VEPH1: variants seen among roughly 807,000 people sequenced by gnomAD.
VEPH1 encodes ventricular zone-expressed PH domain-containing protein homolog 1.
Under a neutral mutation model 85.2 loss-of-function variants are expected in VEPH1, and 80 were observed. The ratio of observed to expected loss-of-function variants is 0.94; its 90% CI spans 0.78 to 1.13. The LOEUF (loss-of-function observed/expected upper bound fraction) is 1.13, where lower values mean the gene tolerates loss of function less well. Ranked by LOEUF, VEPH1 falls within the 50% of genes most tolerant of loss-of-function variation. The probability of loss-of-function intolerance (pLI) is 0.00; values close to 1 mark genes in which losing one functional copy is unlikely to be tolerated. For synonymous variants in VEPH1, 297 were observed against 348.0 expected, an observed-to-expected ratio of 0.85 and a Z score of 1.63; for missense variants, 955 against 980.5, an observed-to-expected ratio of 0.97 and a Z score of 0.35.
chr3:157,430,754 T>C (rs180729817), intron 4 of VEPH1, among the ~76,000 whole-genome samples: 105 of 152,256 alleles, frequency 6.9e-4, no homozygotes, highest in African/African-American at 2.3e-3. Flanking sequence ...TCCCTAGGAG[T>C]TGACTTTGTA....
chr3:157,468,885 A>AGGTTCGT (rs1736645380), intron 3 of VEPH1, among the ~76,000 whole-genome samples: 2 of 151,712 alleles, frequency 1.3e-5, no homozygotes, highest in Admixed American at 6.6e-5. Context: ...TTGTTCCCCC[A>AGGTTCGT]CTCACCCTGG....
chr3:157,275,595 A>T (rs369970492), intron 12 of VEPH1, among the ~76,000 whole-genome samples: 6,068 of 151,990 alleles, frequency 0.04, 153 homozygotes, highest in South Asian at 0.11. Context: ...AACAAAAAAT[A>T]TATATATATA....
At chr3:157,297,943 C>A (rs1319123803) in intron 11 of VEPH1, among the ~76,000 whole-genome samples, 2 of 151,956 alleles carry the variant, frequency 1.3e-5, no homozygotes. Flanking sequence ...AATAATTAGA[C>A]ACACACACAG....
intron 2 of VEPH1, among the ~76,000 whole-genome samples, chr3:157,475,155 AT>A (rs557209438): frequency 0.23 from 29,882 of 127,464 alleles, 3,002 homozygotes; most frequent in East Asian, 0.35. Context: ...AATTTTTTTA[AT>A]TTTTTTTTTT....
chr3:157,443,024 T>C, intron 4 of VEPH1: 1 of 1,548,490 alleles, frequency 6.5e-7, no homozygotes, highest in Non-Finnish European at 8.7e-7. Context: ...AACTCACACT[T>C]AAAACACATG....
At chr3:157,492,796 C>A (rs182568774) in intron 2 of VEPH1, among the ~76,000 whole-genome samples, 2 of 152,110 alleles carry the variant, frequency 1.3e-5, no homozygotes, top group Admixed American at 6.6e-5. Flanking sequence ...ATAAGTACAG[C>A]AAACAATAAT....
At chr3:157,332,283 TC>T (rs1450712664) in intron 9 of VEPH1, among the ~76,000 whole-genome samples, 1 of 152,224 alleles carries the variant, frequency 6.6e-6, no homozygotes, top group Non-Finnish European at 1.5e-5. Context: ...AGTGTACAGT[TC>T]AGTGGCAGTA....
At chr3:157,418,563 G>T (rs1423660619) in intron 5 of VEPH1, among the ~76,000 whole-genome samples, 1 of 152,138 alleles carries the variant, frequency 6.6e-6, no homozygotes. Flanking sequence ...GCCAAATCAT[G>T]AATAAATTCC....
chr3:157,317,185 A>G lies in VEPH1; in HGVS notation c.1752T>C (p.Cys584=). 1.2e-6 allele frequency: 2 copies of G among 1,611,588 alleles called. No homozygotes were observed. The highest frequency in any genetic ancestry group is 1.3e-5 in the African/African-American group (1 of 74,962). The change falls in exon 10 of 14, where the codon TGT becomes TGC. Residue 584 remains cysteine, a synonymous_variant. Coordinates refer to ENST00000362010, the MANE Select transcript of VEPH1 (RefSeq NM_001167912.2). ...AGCAGGTGAAGAACAACTTTGCTACACAACTTCTCACAGTGTCTAGAAACA... is the reference window on the plus strand; with the variant it reads ...AGCAGGTGAAGAACAACTTTGCTACGCAACTTCTCACAGTGTCTAGAAACA... ...QCTIEDTVRS[C]VAKLFFTCSL...
intron 9 of VEPH1, among the ~76,000 whole-genome samples, chr3:157,348,957 A>C (rs1349276992): frequency 6.6e-6 from 1 of 152,226 alleles, no homozygotes; most frequent in Non-Finnish European, 1.5e-5. Context: ...TTCTCAAAAT[A>C]CTTCAAAAAA....
Position 157,413,902 on chromosome 3 carries a change from T to C in VEPH1, c.885A>G (p.Gly295=). The change falls in exon 6 of 14, where the codon GGA becomes GGG. Residue 295 remains glycine, a synonymous_variant. Transcript: ENST00000362010. ...TTACTTCATCCACATGCCCAACAGC[T>C]CCATAAATCCTTGCCATCTGTCCAG... is the stretch of plus-strand genomic sequence containing the variant. ...YLTGQMARIY[G]AVGHVDEERA... is the part of the protein sequence containing the mutation. The C allele has an allele frequency of 6.2e-7, 1 of 1,613,434 alleles. No homozygotes were observed. Among genetic ancestry groups the C allele is most frequent in the Middle Eastern group, 1.7e-4 (1 of 6,052 alleles).
intron 6 of VEPH1, among the ~76,000 whole-genome samples, chr3:157,388,771 C>A (rs998551453): frequency 2.0e-5 from 3 of 152,060 alleles, no homozygotes; most frequent in African/African-American, 7.2e-5. Flanking sequence ...ATTTACATAG[C>A]ATTTACATTG....
At chr3:157,294,607 G>A (rs1259889074) in intron 11 of VEPH1, among the ~76,000 whole-genome samples, 1 of 152,194 alleles carries the variant, frequency 6.6e-6, no homozygotes, top group African/African-American at 2.4e-5. Context: ...ACACAATGAT[G>A]TAATGATGAA....
rs374263538 is a variant in VEPH1, at chr3:157,306,415, T to A, written c.2010+7206A>T. ...CATTTATGCTATCATAGTATTCATA[T>A]CATAGTTTTGCAACTTGCTTATTAA... On this transcript the variant is annotated intron_variant, in intron 11 of 13. Coordinates refer to ENST00000362010, the MANE Select transcript of VEPH1 (RefSeq NM_001167912.2). Among the ~76,000 whole-genome samples, 6 of 152,252 alleles carry A rather than the reference T, an allele frequency of 3.9e-5. No individual in the cohort carries two copies. In the East Asian group the frequency reaches 9.6e-4, roughly 24 times the overall value.
intron 4 of VEPH1, chr3:157,459,478 G>A: frequency 2.2e-6 from 1 of 448,238 alleles, no homozygotes; most frequent in Non-Finnish European, 3.1e-6. Flanking sequence ...ATACTCATGG[G>A]CCTCATGCAT....
chr3:157,319,045 A>G (rs1721093090), intron 9 of VEPH1, among the ~76,000 whole-genome samples: 1 of 152,184 alleles, frequency 6.6e-6, no homozygotes, highest in Non-Finnish European at 1.5e-5. Context: ...ACAGGCTTTC[A>G]GGAAAAGTTT....
chr3:157,306,058 T>C (rs753625664), intron 11 of VEPH1, among the ~76,000 whole-genome samples: 2 of 152,156 alleles, frequency 1.3e-5, no homozygotes, highest in Non-Finnish European at 2.9e-5. Context: ...TGACATTAGT[T>C]ACAGGTTAAA....
chr3:157,461,644 G>A (rs1460323939), intron 3 of VEPH1, among the ~76,000 whole-genome samples: 4 of 152,088 alleles, frequency 2.6e-5, no homozygotes, highest in Non-Finnish European at 5.9e-5. Context: ...CAAAAGAAAA[G>A]ACATGAGATA....
At chr3:157,456,476 G>T (rs1000657295) in intron 4 of VEPH1, among the ~76,000 whole-genome samples, 2 of 152,136 alleles carry the variant, frequency 1.3e-5, no homozygotes, top group Non-Finnish European at 2.9e-5. Flanking sequence ...TGTTGCCTAG[G>T]TTATCTTCCA....
Sources: gnomAD v4.1 joint callset for allele counts (sites outside exome capture counted in the v4.1 genomes callset) on GRCh38, gnomAD v4.1.1 for gene constraint, MANE v1.5 for transcripts, NCBI Gene and HGNC (gene_info 2026-07-23, HGNC 2026-07-21) for gene names.